The following LGR6 variants were observed in gnomAD, a reference collection of about 807,000 sequenced individuals.
The protein encoded by LGR6 is leucine rich repeat containing G protein-coupled receptor 6, also known as leucine-rich repeat-containing G protein-coupled receptor 6.
LGR6 carries 45 observed loss-of-function variants against 69.4 expected under a neutral mutation model. That is an observed-to-expected ratio of 0.65 (90% CI 0.51 to 0.83). LGR6 has a LOEUF of 0.83. Ranked by LOEUF, LGR6 falls within the 40% of genes least tolerant of loss-of-function variation. The pLI, the probability that LGR6 is intolerant of heterozygous loss-of-function variation, is 0.00. For missense variants in LGR6, 1,108 were observed against 1,246.7 expected (o/e 0.89, Z 1.68); for synonymous variants, 538 against 555.0 (o/e 0.97, Z 0.43).
chr1:202,252,691 G>A (rs1663369698), intron 4 of LGR6, among the ~76,000 whole-genome samples: 2 of 152,204 alleles, frequency 1.3e-5, no homozygotes, highest in South Asian at 4.1e-4. Flanking sequence ...ATCTGGTTTC[G>A]GACTTGTGGG....
At chr1:202,303,528 G>A (rs1256427090) in intron 10 of LGR6, among the ~76,000 whole-genome samples, 181 bp downstream of exon 10, 1 of 152,230 alleles carries the variant, frequency 6.6e-6, no homozygotes, top group Non-Finnish European at 1.5e-5. Flanking sequence ...AGGTCAGCAG[G>A]TGGCAGATGG....
chr1:202,207,504 A>T (rs1046401316), intron 1 of LGR6, among the ~76,000 whole-genome samples: 2 of 152,174 alleles, frequency 1.3e-5, no homozygotes, highest in Non-Finnish European at 2.9e-5. Context: ...GGAATGAGGC[A>T]GTTGTCAGGC....
At chr1:202,286,167 A>G (rs1005032094) in intron 6 of LGR6, among the ~76,000 whole-genome samples, 3 of 152,184 alleles carry the variant, frequency 2.0e-5, no homozygotes, top group South Asian at 2.1e-4. Context: ...TCACATTCAC[A>G]GGTACCAGGT....
chr1:202,311,431 G>A (rs705767), intron 16 of LGR6, among the ~76,000 whole-genome samples: 70,191 of 151,980 alleles, frequency 0.46, 17,169 homozygotes, highest in East Asian at 0.71. Flanking sequence ...AGGCCAAGGC[G>A]GGTGGATCAC....
chr1:202,194,639 T>C, intron 1 of LGR6: 1 of 513,440 alleles, frequency 1.9e-6, no homozygotes. Context: ...GGAAATAATG[T>C]CTGTTCTTCT....
At chr1:202,230,699 G>A (rs905633950) in intron 3 of LGR6, among the ~76,000 whole-genome samples, 2 of 152,178 alleles carry the variant, frequency 1.3e-5, no homozygotes, top group Non-Finnish European at 2.9e-5. Context: ...TTCCTGTCTC[G>A]TCTCCATCAC....
chr1:202,283,547 A>C (rs903891088), intron 6 of LGR6, among the ~76,000 whole-genome samples: 1 of 152,208 alleles, frequency 6.6e-6, no homozygotes, highest in African/African-American at 2.4e-5. Context: ...GGGAAGATCA[A>C]ACCCCTGCGG....
chr1:202,254,282 C>T (rs200691570), intron 4 of LGR6, among the ~76,000 whole-genome samples: 2 of 152,200 alleles, frequency 1.3e-5, no homozygotes, highest in East Asian at 3.8e-4. Flanking sequence ...GAACTGGCTC[C>T]TACCACATCA....
intron 4 of LGR6, among the ~76,000 whole-genome samples, chr1:202,261,889 G>A (rs1270393435): frequency 6.6e-6 from 1 of 152,178 alleles, no homozygotes; most frequent in Non-Finnish European, 1.5e-5. Context: ...CTTCTTTTGA[G>A]AAGTGTCTGT....
intron 4 of LGR6, among the ~76,000 whole-genome samples, chr1:202,271,029 G>A (rs1353145312): frequency 1.3e-5 from 2 of 152,202 alleles, no homozygotes; most frequent in Non-Finnish European, 2.9e-5. Flanking sequence ...ATTACTGCAG[G>A]TAAGAATTAT....
intron 4 of LGR6, among the ~76,000 whole-genome samples, chr1:202,237,209 C>T (rs922391595): frequency 2.6e-5 from 4 of 152,204 alleles, no homozygotes; most frequent in South Asian, 2.1e-4. Context: ...GAGTGCTGGG[C>T]GTCTGGCCCC....
In LGR6 at chr1:202,318,070, C is replaced by A; in HGVS notation, c.1767C>A (p.Gly589=). ...NGLVLLTVFA[G]GPVPLPPVKF... ...TGGTGCTGCTGACCGTGTTCGCTGG[C>A]GGGCCTGTCCCCCTGCCCCCGGTCA... is the stretch of plus-strand genomic sequence containing the variant. Residue 589 remains glycine (G), a synonymous_variant, in exon 18 of 18, where the codon GGC becomes GGA. Coordinates refer to ENST00000367278, the MANE Select transcript of LGR6 (RefSeq NM_001017403.2). 1 of 1,614,206 alleles carries A rather than the reference C, an allele frequency of 6.2e-7. No individual in the cohort carries two copies. The highest frequency in any genetic ancestry group is 8.5e-7 in the Non-Finnish European group (1 of 1,180,044).
In LGR6 at chr1:202,318,543, T is replaced by C; in HGVS notation, c.2240T>C (p.Val747Ala). 1.2e-6 allele frequency: 2 copies of C among 1,614,100 alleles called. No homozygotes were observed. Among genetic ancestry groups the C allele is most frequent in the Non-Finnish European group, 1.7e-6 (2 of 1,180,000 alleles). ...VMMNSFCFLV[V>A]AGAYIKLYCD... ...ATGAACTCCTTCTGTTTCCTGGTCG[T>C]GGCCGGTGCCTACATCAAACTGTAC... Residue 747 changes from valine (V) to alanine (A), a missense_variant, in exon 18 of 18, where the codon GTG becomes GCG. Coordinates refer to ENST00000367278, the MANE Select transcript of LGR6 (RefSeq NM_001017403.2).
chr1:202,202,432 C>T (rs959217678), intron 1 of LGR6, among the ~76,000 whole-genome samples: 1 of 152,180 alleles, frequency 6.6e-6, no homozygotes, highest in South Asian at 2.1e-4. Context: ...GGATAGGAGA[C>T]CCCATCTGGG....
chr1:202,234,419 A>C (rs2147991148), intron 3 of LGR6, among the ~76,000 whole-genome samples: 1 of 152,310 alleles, frequency 6.6e-6, no homozygotes, highest in African/African-American at 2.4e-5. Flanking sequence ...AGATTTTCAC[A>C]TACCCGTAAG....
intron 1 of LGR6, among the ~76,000 whole-genome samples, chr1:202,210,966 G>A (rs112638845): frequency 0.032 from 4,858 of 152,294 alleles, 106 homozygotes; most frequent in Middle Eastern, 0.051. Flanking sequence ...CATTGTGTGC[G>A]TTAAGCATGA....
chr1:202,213,310 G>A (rs1211012806), intron 1 of LGR6, among the ~76,000 whole-genome samples: 1 of 152,152 alleles, frequency 6.6e-6, no homozygotes, highest in Non-Finnish European at 1.5e-5. Context: ...CTGACTGGTA[G>A]TCTTAGTTAC....
intron 4 of LGR6, among the ~76,000 whole-genome samples, chr1:202,265,528 T>G (rs959254245): frequency 2.0e-5 from 3 of 152,070 alleles, no homozygotes; most frequent in African/African-American, 7.2e-5. Flanking sequence ...TATGTGGGGG[T>G]GGGCAGGAAT....
intron 1 of LGR6, among the ~76,000 whole-genome samples, chr1:202,213,053 T>C (rs1257397181): frequency 6.6e-6 from 1 of 152,158 alleles, no homozygotes; most frequent in East Asian, 1.9e-4. Flanking sequence ...AGACCGAAGT[T>C]TCCTGAGGGC....
Sources: allele counts gnomAD v4.1 joint callset (sites outside exome capture counted in the v4.1 genomes callset), GRCh38; gene constraint gnomAD v4.1.1; transcripts MANE v1.5; gene names NCBI Gene and HGNC (gene_info 2026-07-23, HGNC 2026-07-21).